SGCD: variants seen among roughly 807,000 people sequenced by gnomAD.
SGCD encodes sarcoglycan delta, also known as delta-sarcoglycan.
In SGCD, 18 loss-of-function variants were observed where a neutral mutation model predicts 36.6. That is an observed-to-expected ratio of 0.49 (90% CI 0.34 to 0.73). The LOEUF is 0.73. SGCD is among the 30% of genes least tolerant of loss of function. The probability of loss-of-function intolerance (pLI) is 0.01; values close to 1 mark genes in which losing one functional copy is unlikely to be tolerated. For synonymous variants in SGCD, 133 were observed against 130.6 expected (o/e 1.02, Z -0.12); for missense variants, 387 against 346.7 (o/e 1.12, Z -0.92).
At chr5:156,302,465 G>A (rs1211159486) in intron 3 of SGCD, among the ~76,000 whole-genome samples, 1 of 151,860 alleles carries the variant, frequency 6.6e-6, no homozygotes, top group East Asian at 1.9e-4. Context: ...AGGTATTTTT[G>A]TATTCTCTGA....
At chr5:156,580,142 G>A (rs571916694) in intron 4 of SGCD, among the ~76,000 whole-genome samples, 1 of 152,282 alleles carries the variant, frequency 6.6e-6, no homozygotes, top group South Asian at 2.1e-4. Context: ...TTGCTTGTCT[G>A]TAAAGGATTT....
At chr5:156,733,562 G>A (rs1301540980) in intron 7 of SGCD, among the ~76,000 whole-genome samples, 1 of 151,944 alleles carries the variant, frequency 6.6e-6, no homozygotes, top group African/African-American at 2.4e-5. Context: ...TTCATGTCTT[G>A]AATATCTGTC....
chr5:156,510,912 C>T (rs965749677), intron 4 of SGCD, among the ~76,000 whole-genome samples: 9 of 152,178 alleles, frequency 5.9e-5, no homozygotes, highest in African/African-American at 1.9e-4. Flanking sequence ...CTGGGTGCAT[C>T]TGTTGGGTCT....
At chr5:156,383,025 T>G (rs1771066503) in intron 3 of SGCD, among the ~76,000 whole-genome samples, 1 of 152,150 alleles carries the variant, frequency 6.6e-6, no homozygotes, top group Non-Finnish European at 1.5e-5. Context: ...TATAAGAAGC[T>G]GTTAAAGAGT....
chr5:156,060,530 G>C lies in SGCD; in HGVS notation c.-281-57348G>C, dbSNP rs1760177281. Among the ~76,000 whole-genome samples the C allele has an allele frequency of 1.4e-5, 2 of 146,214 alleles. 1 individual carries two copies. Among genetic ancestry groups the C allele is most frequent in the Non-Finnish European group, 3.1e-5 (2 of 64,810 alleles). On this transcript the variant is annotated intron_variant, in intron 1 of 9. Coordinates refer to the SGCD transcript ENST00000517913. Reference sequence around the variant, plus strand: ...ATTTCTTAATGAAGTTTTTTACAAGGGGCATTTTGGGAACTAACCAATTGA... The same window carrying C: ...ATTTCTTAATGAAGTTTTTTACAAGCGGCATTTTGGGAACTAACCAATTGA...
At chr5:156,078,533 A>ATATTTATTTATATATATATT in intron 1 of SGCD, among the ~76,000 whole-genome samples, 1 of 143,488 alleles carries the variant, frequency 7.0e-6, no homozygotes, top group East Asian at 2.0e-4. Context: ...ATATATATAT[A>ATATTTATTTATATATATATT]TATATTTATT....
At chr5:156,626,613 G>A (rs1762449934) in intron 6 of SGCD, among the ~76,000 whole-genome samples, 2 of 152,090 alleles carry the variant, frequency 1.3e-5, no homozygotes, top group Non-Finnish European at 2.9e-5. Context: ...CATAACTTTT[G>A]CCTTTCATAT....
chr5:156,143,535 G>A (rs1460706519), intron 3 of SGCD, among the ~76,000 whole-genome samples: 2 of 152,172 alleles, frequency 1.3e-5, no homozygotes, highest in African/African-American at 4.8e-5. Context: ...GTCCATGAGA[G>A]CAGCTGCAGG....
chr5:155,963,530 G>T (rs563786444), intron 1 of SGCD, among the ~76,000 whole-genome samples: 2 of 152,082 alleles, frequency 1.3e-5, no homozygotes, highest in South Asian at 2.1e-4. Context: ...TATTTCTTGA[G>T]CAATCACTTC....
In SGCD at chr5:156,666,692, C is replaced by T. The variant is rs1201994777; in HGVS notation, c.575+19156C>T. Among the ~76,000 whole-genome samples, 5 of 149,080 alleles carry T rather than the reference C, an allele frequency of 3.4e-5. No homozygotes were observed. The East Asian group carries it at 5.9e-4, about 17-fold the overall frequency. On this transcript the variant is annotated intron_variant, in intron 7 of 8. Transcript: ENST00000337851. ...CTGTTTAACAAAGCACATCCTGCACCGCCCTTAATCCATTCAACCCTGAGT... is the reference window on the plus strand; with the variant it reads ...CTGTTTAACAAAGCACATCCTGCACTGCCCTTAATCCATTCAACCCTGAGT...
In SGCD at chr5:156,413,849, T is replaced by A. The variant is rs1030898407; in HGVS notation, c.192+69172T>A. 5.9e-5 allele frequency among the ~76,000 whole-genome samples: 9 copies of A among 152,218 alleles called. No homozygotes were observed. In the East Asian group the frequency reaches 1.3e-3, roughly 23 times the overall value. On this transcript the variant is annotated intron_variant, in intron 3 of 8. Coordinates refer to ENST00000337851, the MANE Select transcript of SGCD (RefSeq NM_000337.6). Reference sequence around the variant, plus strand: ...TAGAAAATTGGGAAAAGGATTTTTTTTTTTTATTTTTGGAGTAGCAAGTGT... The same window carrying A: ...TAGAAAATTGGGAAAAGGATTTTTTATTTTTATTTTTGGAGTAGCAAGTGT...
chr5:156,653,078 G>A (rs939872292), intron 7 of SGCD, among the ~76,000 whole-genome samples: 3 of 151,952 alleles, frequency 2.0e-5, no homozygotes, highest in African/African-American at 7.3e-5. Flanking sequence ...GTCTTTGTGA[G>A]GTTTTGATAT....
chr5:156,348,181 A>G (rs955043624), intron 3 of SGCD, among the ~76,000 whole-genome samples: 10 of 152,166 alleles, frequency 6.6e-5, no homozygotes, highest in Non-Finnish European at 8.8e-5. Context: ...GGAGAAAGAG[A>G]AAAAAATCAA....
intron 1 of SGCD, among the ~76,000 whole-genome samples, chr5:155,928,991 G>A (rs1222232290): frequency 1.3e-5 from 2 of 151,960 alleles, no homozygotes; most frequent in Non-Finnish European, 2.9e-5. Context: ...CTTTTTAAAT[G>A]TTAAAAGTAA....
the SGCD span, among the ~76,000 whole-genome samples, chr5:155,733,020 T>G: frequency 6.6e-6 from 1 of 150,678 alleles, no homozygotes; most frequent in East Asian, 1.9e-4. Flanking sequence ...ACTCGTTTTT[T>G]TTTTTTTTTT....
At chr5:156,037,860 C>G (rs1759538139) in intron 1 of SGCD, among the ~76,000 whole-genome samples, 1 of 152,106 alleles carries the variant, frequency 6.6e-6, no homozygotes, top group Admixed American at 6.5e-5. Context: ...AAACATAATA[C>G]TTATCATGTC....
At chr5:156,109,236 T>C (rs1284140133) in intron 1 of SGCD, among the ~76,000 whole-genome samples, 1 of 152,184 alleles carries the variant, frequency 6.6e-6, no homozygotes, top group Non-Finnish European at 1.5e-5. Context: ...ACATTTCTCT[T>C]CTACTGGAAA....
At chr5:156,044,463 G>T (rs932037203) in intron 1 of SGCD, among the ~76,000 whole-genome samples, 15 of 152,108 alleles carry the variant, frequency 9.9e-5, no homozygotes, top group African/African-American at 3.4e-4. Context: ...TTGAATCATG[G>T]GTTGCTTCAG....
At chr5:156,614,504 AAGAAT>A (rs1761951584) in intron 6 of SGCD, among the ~76,000 whole-genome samples, 1 of 152,180 alleles carries the variant, frequency 6.6e-6, no homozygotes, top group South Asian at 2.1e-4. Flanking sequence ...ACTATTCCCT[AAGAAT>A]GCTCCACAAT....
Sources: allele counts gnomAD v4.1 joint callset (sites outside exome capture counted in the v4.1 genomes callset), GRCh38; gene constraint gnomAD v4.1.1; transcripts MANE v1.5; gene names NCBI Gene and HGNC (gene_info 2026-07-23, HGNC 2026-07-21).